FAM193B: variants seen among roughly 807,000 people sequenced by gnomAD.
FAM193B encodes the protein protein FAM193B.
FAM193B carries 27 observed loss-of-function variants against 70.7 expected under a neutral mutation model. The ratio of observed to expected loss-of-function variants is 0.38; its 90% confidence interval spans 0.28 to 0.53. The LOEUF is 0.53. FAM193B is among the 20% of genes least tolerant of loss of function. The probability of loss-of-function intolerance (pLI) is 0.81; values close to 1 mark genes in which losing one functional copy is unlikely to be tolerated. For synonymous variants in FAM193B, 448 were observed against 436.0 expected, an observed-to-expected ratio of 1.03 and a Z score of -0.34; for missense variants, 1,022 against 1,072.5, an observed-to-expected ratio of 0.95 and a Z score of 0.66.
chr5:177,526,251 T>C (rs529837299), intron 5 of FAM193B, among the ~76,000 whole-genome samples: 1 of 152,334 alleles, frequency 6.6e-6, no homozygotes, highest in East Asian at 1.9e-4. Flanking sequence ...ACTTATTCTC[T>C]CTGAACCTTA....
chr5:177,523,860 A>G (rs971770284), intron 7 of FAM193B, 97 bp downstream of exon 7: 2 of 1,368,170 alleles, frequency 1.5e-6, no homozygotes, highest in African/African-American at 1.4e-5. Context: ...GGGCCAAGGG[A>G]GCAGGCCTTT....
rs867827000 is a variant in FAM193B, at chr5:177,536,809, A to T, written c.689-64T>A. On this transcript the variant is annotated intron_variant, in intron 3 of 8. Coordinates refer to ENST00000514747, the MANE Select transcript of FAM193B (RefSeq NM_001190946.3). ...CCCAGACCTGGGAAGGAAAGCCCAC[A>T]GGCTCACTGCCACAGCATCCTGCTT... 5.8e-5 allele frequency: 88 copies of T among 1,522,142 alleles called. No individual in the cohort carries two copies. The Middle Eastern group carries it at 1.7e-3, about 29-fold the overall frequency. The allele number at this position is 1,522,142 out of a possible 1,614,324, so 94.3% of individuals were successfully genotyped here.
At chr5:177,552,447 G>A (rs1766389605) in intron 1 of FAM193B, among the ~76,000 whole-genome samples, 2 of 152,232 alleles carry the variant, frequency 1.3e-5, no homozygotes, top group Admixed American at 1.3e-4. Flanking sequence ...GAAGCTTAGA[G>A]CTCTTGGCAA....
At chr5:177,547,294 T>TTA (rs1392283001) in intron 1 of FAM193B, 26 of 122,070 alleles carry the variant, frequency 2.1e-4, no homozygotes, top group African/African-American at 8.2e-4. Flanking sequence ...TTCTTTTTTT[T>TTA]TTTTTTTTGA....
chr5:177,529,713 C>T (rs1270000528), intron 5 of FAM193B, among the ~76,000 whole-genome samples: 1 of 152,212 alleles, frequency 6.6e-6, no homozygotes, highest in Non-Finnish European at 1.5e-5. Context: ...GGGGAAGAGA[C>T]ATCTGAGCAC....
intron 1 of FAM193B, chr5:177,553,471 C>G (rs1766571659): frequency 9.0e-7 from 1 of 1,105,992 alleles, no homozygotes; most frequent in African/African-American, 1.7e-5. Context: ...GTCACCCCCG[C>G]CTCTCAGTGA....
intron 4 of FAM193B, among the ~76,000 whole-genome samples, chr5:177,533,447 G>A (rs193272643): frequency 6.6e-6 from 1 of 152,098 alleles, no homozygotes; most frequent in East Asian, 1.9e-4. Context: ...TGGGACTACA[G>A]GCGCCCGCAA....
At chr5:177,531,623 G>T in intron 5 of FAM193B, 1 of 1,021,748 alleles carries the variant, frequency 9.8e-7, no homozygotes. Context: ...CAAGACAACT[G>T]TTCTCTCTAC....
At position 177,524,845 on chromosome 5, in the gene FAM193B, T is replaced by C. The variant is rs747713869; in HGVS notation, c.1636A>G (p.Thr546Ala). Residue 546 changes from threonine to alanine, a missense_variant, in exon 6 of 9, where the codon ACG (threonine) becomes GCG (alanine). Thr to Ala is a moderately conservative substitution (Grantham distance 58, BLOSUM62 0). Coordinates refer to ENST00000514747, the MANE Select transcript of FAM193B (RefSeq NM_001190946.3). ...PLTLGSPQNH[T>A]LQAPGEPAPP... ...GCTGGCTCGCCTGGAGCTTGTAACG[T>C]GTGGTTCTGAGGGGAGCCCAAAGTC... 4.0e-6 allele frequency: 6 copies of C among 1,513,128 alleles called. No individual in the cohort carries two copies. The Admixed American group carries it at 7.1e-5, about 18-fold the overall frequency. The allele number at this position is 1,513,128 out of a possible 1,614,324, so 93.7% of individuals were successfully genotyped here.
At chr5:177,526,559 G>C (rs1432119327) in intron 5 of FAM193B, among the ~76,000 whole-genome samples, 1 of 152,140 alleles carries the variant, frequency 6.6e-6, no homozygotes, top group African/African-American at 2.4e-5. Flanking sequence ...GACAACTGCT[G>C]GTGTGGAGGG....
intron 1 of FAM193B, among the ~76,000 whole-genome samples, chr5:177,543,661 A>G (rs148737001): frequency 6.6e-6 from 1 of 152,344 alleles, no homozygotes; most frequent in East Asian, 1.9e-4. Flanking sequence ...GAGATGTTAT[A>G]TTTATAGTCA....
intron 3 of FAM193B, among the ~76,000 whole-genome samples, chr5:177,537,645 C>T (rs1030113147): frequency 2.0e-5 from 3 of 152,216 alleles, no homozygotes; most frequent in Non-Finnish European, 4.4e-5. Flanking sequence ...CCAATGACAA[C>T]TTTGAGAGGC....
At chr5:177,535,572 G>GCTTA (rs1389930185) in intron 4 of FAM193B, among the ~76,000 whole-genome samples, 4 of 152,190 alleles carry the variant, frequency 2.6e-5, no homozygotes, top group African/African-American at 9.7e-5. Flanking sequence ...GTGCAGGGAT[G>GCTTA]CTTATTACAG....
rs1764552045 is a variant in FAM193B, at chr5:177,539,166, C to T, written c.211-19G>A. The T allele has an allele frequency of 2.0e-6, 3 of 1,528,652 alleles. No individual in the cohort carries two copies. The highest frequency in any genetic ancestry group is 2.6e-6 in the Non-Finnish European group (3 of 1,135,062). The allele number at this position is 1,528,652 out of a possible 1,614,324, so 94.7% of individuals were successfully genotyped here. The stretch of plus-strand genomic sequence containing the variant: ...GGGGGACCTGTCCAACAGACAGAAA[C>T]AGGGTTTCCCAGGAGGGGAAAGGCT... On this transcript the variant is annotated intron_variant, in intron 1 of 8. Transcript: ENST00000514747.
intron 5 of FAM193B, among the ~76,000 whole-genome samples, chr5:177,527,040 A>G (rs1762717513): frequency 6.6e-6 from 1 of 152,234 alleles, no homozygotes; most frequent in African/African-American, 2.4e-5. Context: ...CTCCCAACAC[A>G]GACTGGTTCA....
chr5:177,544,378 T>G (rs576437316), intron 1 of FAM193B, among the ~76,000 whole-genome samples: 1 of 152,298 alleles, frequency 6.6e-6, no homozygotes, highest in East Asian at 1.9e-4. Context: ...AAAAGAGAGA[T>G]AAAATCAAAG....
rs1761844127 is a variant in FAM193B, at chr5:177,522,122, TG to T, written c.2373-52del. On this transcript the variant is annotated intron_variant, in intron 7 of 8. Transcript: ENST00000514747. ...AAGCACAATCAGAGGTTCATTCTTT[TG>T]CTCACTGGACTCCTAAGGTACCATG... 2.1e-6 allele frequency: 3 copies of T among 1,436,066 alleles called. No homozygotes were observed. In the Admixed American group the frequency reaches 5.2e-5, roughly 25 times the overall value. The allele number at this position is 1,436,066 out of a possible 1,614,324, so 89.0% of individuals were successfully genotyped here.
chr5:177,543,475 A>G (rs945576708), intron 1 of FAM193B, among the ~76,000 whole-genome samples: 13 of 152,192 alleles, frequency 8.5e-5, no homozygotes, highest in Admixed American at 3.3e-4. Flanking sequence ...AGTTTGGTAC[A>G]CTTGAGTCCT....
In FAM193B at chr5:177,554,300, G is replaced by A. The variant is rs751055806; in HGVS notation, c.159C>T (p.Asp53=). The A allele has an allele frequency of 2.7e-5, 37 of 1,374,096 alleles. No homozygotes were observed. In the East Asian group the frequency reaches 1.1e-3, roughly 39 times the overall value. 85.1% of individuals were successfully genotyped at this position (1,374,096 alleles called of 1,614,324 possible). A position where few individuals can be genotyped will look rare whatever the true frequency, so the allele number is the denominator to read the frequency against. The stretch of plus-strand genomic sequence containing the variant: ...CGTCATCCTCCCTGGGGCCGTCGTG[G>A]TCGGGCTCCGCCGGCGCCTCCGGAG... ...AGPPEAPAEP[D]HDGPREDDEP... Residue 53 remains aspartate, a synonymous_variant, in exon 1 of 9, where the codon GAC becomes GAT. Coordinates refer to ENST00000514747, the MANE Select transcript of FAM193B (RefSeq NM_001190946.3).
Sources: allele counts gnomAD v4.1 joint callset (sites outside exome capture counted in the v4.1 genomes callset), GRCh38; gene constraint gnomAD v4.1.1; transcripts MANE v1.5; gene names NCBI Gene and HGNC (gene_info 2026-07-23, HGNC 2026-07-21).